The following RSRC1 variants were observed in gnomAD, a reference collection of about 807,000 sequenced individuals.
RSRC1 encodes the protein serine/Arginine-related protein 53.
Under a neutral mutation model 49.1 loss-of-function variants are expected in RSRC1, and 39 were observed. The observed-to-expected ratio is 0.79, with a 90% CI of 0.61 to 1.04. The LOEUF (loss-of-function observed/expected upper bound fraction) is 1.04. Ranked by LOEUF, RSRC1 falls within the 50% of genes least tolerant of loss-of-function variation. The pLI is 0.00. For synonymous variants in RSRC1, 143 were observed against 130.8 expected (o/e 1.09, Z -0.63); for missense variants, 388 against 402.4 (o/e 0.96, Z 0.31).
chr3:158,226,780 A>G (rs1722554840), intron 4 of RSRC1, among the ~76,000 whole-genome samples: 2 of 151,790 alleles, frequency 1.3e-5, no homozygotes, highest in South Asian at 4.1e-4. Context: ...GTATCCACCC[A>G]GAGTTTCATC....
intron 3 of RSRC1, among the ~76,000 whole-genome samples, chr3:158,195,520 G>A (rs1417836690): frequency 3.3e-5 from 5 of 151,974 alleles, no homozygotes; most frequent in Admixed American, 6.6e-5. Context: ...CTGTTTGTCA[G>A]TTTTGGCTTT....
chr3:158,274,370 C>CTT (rs71144453), intron 4 of RSRC1, among the ~76,000 whole-genome samples: 35 of 147,412 alleles, frequency 2.4e-4, no homozygotes, highest in East Asian at 1.2e-3. Context: ...CAAGGTTAGT[C>CTT]TTTTTTTTTT....
chr3:158,134,582 A>G (rs755259347), intron 3 of RSRC1, among the ~76,000 whole-genome samples: 7 of 152,200 alleles, frequency 4.6e-5, no homozygotes, highest in Non-Finnish European at 1.0e-4. Context: ...TTTCACAAAG[A>G]TCAAGGCTGT....
At chr3:158,457,429 A>G (rs1470777313) in intron 6 of RSRC1, among the ~76,000 whole-genome samples, 1 of 152,160 alleles carries the variant, frequency 6.6e-6, no homozygotes, top group African/African-American at 2.4e-5. Context: ...TGAGAGATAG[A>G]TTGTGAGTTC....
intron 4 of RSRC1, among the ~76,000 whole-genome samples, chr3:158,282,159 A>G (rs1726216925): frequency 6.6e-6 from 1 of 152,218 alleles, no homozygotes; most frequent in South Asian, 2.1e-4. Context: ...CTAAGCAAAT[A>G]ATTAAGTTGG....
At chr3:158,440,308 T>G (rs1405837691) in intron 6 of RSRC1, among the ~76,000 whole-genome samples, 1 of 152,014 alleles carries the variant, frequency 6.6e-6, no homozygotes, top group East Asian at 1.9e-4. Flanking sequence ...GATTTTCTGA[T>G]TGTTCTTAGA....
chr3:158,420,051 C>T (rs1734956328), intron 6 of RSRC1, among the ~76,000 whole-genome samples: 1 of 151,860 alleles, frequency 6.6e-6, no homozygotes, highest in South Asian at 2.1e-4. Flanking sequence ...TCCTCATAGG[C>T]AGGCTCACAA....
intron 3 of RSRC1, among the ~76,000 whole-genome samples, chr3:158,132,841 A>G (rs759159539): frequency 2.6e-5 from 4 of 152,234 alleles, no homozygotes; most frequent in Non-Finnish European, 1.5e-5. Flanking sequence ...CAATTTGTCC[A>G]TGAACAGGAA....
intron 7 of RSRC1, among the ~76,000 whole-genome samples, chr3:158,510,888 A>G (rs993175971): frequency 6.6e-6 from 1 of 152,152 alleles, no homozygotes; most frequent in African/African-American, 2.4e-5. Context: ...AGGTTTCATT[A>G]AATAGATTAA....
At position 158,432,179 on chromosome 3, in the gene RSRC1, C is replaced by T. The variant is rs569685041; in HGVS notation, c.584-28756C>T. Among the ~76,000 whole-genome samples, 10 of 152,012 alleles carry T rather than the reference C, an allele frequency of 6.6e-5. No individual in the cohort carries two copies. In the South Asian group the frequency reaches 1.5e-3, roughly 22 times the overall value. On this transcript the variant is annotated intron_variant, in intron 6 of 9. Transcript: ENST00000611884. ...TGATTGCACCTCCGGCTATGTTCTG[C>T]GCCTAATGACTCCTCCAAAGGCAGA...
intron 4 of RSRC1, among the ~76,000 whole-genome samples, chr3:158,240,106 T>A (rs1013768210): frequency 1.3e-5 from 2 of 152,290 alleles, no homozygotes; most frequent in East Asian, 3.9e-4. Flanking sequence ...AAAATATCTT[T>A]ATAAAAACCA....
At chr3:158,461,065 C>A in intron 7 of RSRC1, 62 bp downstream of exon 7, 2 of 1,262,506 alleles carry the variant, frequency 1.6e-6, no homozygotes, top group Non-Finnish European at 2.3e-6. Context: ...CCTGAATAGA[C>A]CGTAGAATAT....
chr3:158,379,823 C>T (rs867874683), intron 6 of RSRC1, among the ~76,000 whole-genome samples: 1 of 150,604 alleles, frequency 6.6e-6, no homozygotes, highest in East Asian at 2.0e-4. Flanking sequence ...TGCACACACA[C>T]ACACACACAC....
At chr3:158,504,609 G>A (rs1739767127) in intron 7 of RSRC1, among the ~76,000 whole-genome samples, 1 of 152,050 alleles carries the variant, frequency 6.6e-6, no homozygotes, top group African/African-American at 2.4e-5. Flanking sequence ...GTGGCCTTTG[G>A]TCATATCATT....
chr3:158,395,104 G>A (rs181035866), intron 6 of RSRC1, among the ~76,000 whole-genome samples: 2 of 152,190 alleles, frequency 1.3e-5, no homozygotes, highest in East Asian at 3.9e-4. Context: ...TCAATAAATG[G>A]TGCTGAAATA....
intron 6 of RSRC1, among the ~76,000 whole-genome samples, chr3:158,426,114 A>C (rs535766304): frequency 1.9e-4 from 29 of 151,796 alleles, no homozygotes; most frequent in South Asian, 4.2e-4. Flanking sequence ...AAAAAGTGAA[A>C]TTTTCAAACT....
At chr3:158,260,904 A>AT (rs1433747298) in intron 4 of RSRC1, among the ~76,000 whole-genome samples, 1 of 152,172 alleles carries the variant, frequency 6.6e-6, no homozygotes, top group African/African-American at 2.4e-5. Flanking sequence ...AAGTGCACAG[A>AT]TTCTGTCTCT....
chr3:158,275,083 G>T (rs1005509359), intron 4 of RSRC1, among the ~76,000 whole-genome samples: 1 of 152,094 alleles, frequency 6.6e-6, no homozygotes, highest in African/African-American at 2.4e-5. Context: ...ATGGCCACTG[G>T]CTCACCAGCT....
intron 3 of RSRC1, among the ~76,000 whole-genome samples, chr3:158,180,419 CGTGTGTGT>C (rs374155981): frequency 4.2e-4 from 17 of 40,782 alleles, no homozygotes; most frequent in South Asian, 1.6e-3. Flanking sequence ...TTTTTTTTGC[CGTGTGTGT>C]GTGTGTGTGT....
Sources: gnomAD v4.1 joint callset for allele counts (sites outside exome capture counted in the v4.1 genomes callset) on GRCh38, gnomAD v4.1.1 for gene constraint, MANE v1.5 for transcripts, NCBI Gene and HGNC (gene_info 2026-07-23, HGNC 2026-07-21) for gene names.